The following CFAP47 variants were observed in gnomAD, a reference collection of about 807,000 sequenced individuals.
CFAP47 encodes cilia- and flagella-associated protein 47.
Under a neutral mutation model 148.1 loss-of-function variants are expected in CFAP47, and 29 were observed. The observed-to-expected ratio is 0.20, with a 90% confidence interval of 0.15 to 0.27. The LOEUF is 0.27. Among genes scored for constraint, CFAP47 ranks in the 10% least tolerant of loss-of-function variants. CFAP47 has a pLI of 1.00. For synonymous variants in CFAP47, 664 were observed against 577.3 expected, an observed-to-expected ratio of 1.15 and a Z score of -2.15; for missense variants, 1,872 against 1,697.5, an observed-to-expected ratio of 1.10 and a Z score of -1.81.
At chrX:36,114,470 T>A in intron 33 of CFAP47, among the ~76,000 whole-genome samples, 1 of 112,207 alleles carries the variant, frequency 8.9e-6, no homozygotes, top group Middle Eastern at 4.6e-3. Context: ...CAAATTTTTG[T>A]GGGATGATGT....
At chrX:36,093,173 G>GCATCCATCAACATTTGGACCTA (rs1285598342) in intron 30 of CFAP47, among the ~76,000 whole-genome samples, 1 of 111,397 alleles carries the variant, frequency 9.0e-6, no homozygotes, top group East Asian at 2.8e-4. Flanking sequence ...TGGACCTACG[G>GCATCCATCAACATTTGGACCTA]TGGCTTCCAA....
Position 36,375,059 on chromosome X carries a change from C to T in CFAP47, c.9186-4291C>T. 1.4e-5 allele frequency: 6 copies of T among 430,014 alleles called. No individual in the cohort carries two copies. The South Asian group carries it at 1.6e-4, about 11-fold the overall frequency. 35.4% of individuals were successfully genotyped at this position (430,014 alleles called of 1,213,427 possible). ...CAAATTTGCCAGTGTAACCACACTT[C>T]ATCATCACACTGAGAAGCTGGATGA... On this transcript the variant is annotated intron_variant, in intron 62 of 63. Transcript: ENST00000378653.
At chrX:35,980,862 G>T (rs1270808785) in intron 15 of CFAP47, among the ~76,000 whole-genome samples, 1 of 110,051 alleles carries the variant, frequency 9.1e-6, no homozygotes, top group Non-Finnish European at 1.9e-5. Flanking sequence ...GTTTCCCCAA[G>T]TATTTTTTAC....
At chrX:36,028,617 C>T (rs934580727) in intron 22 of CFAP47, among the ~76,000 whole-genome samples, 20 of 110,981 alleles carry the variant, frequency 1.8e-4, no homozygotes, top group African/African-American at 2.9e-4. Flanking sequence ...TTTAAGCTAT[C>T]GTAAATGAGA....
At chrX:36,243,988 G>A (rs1317694862) in intron 48 of CFAP47, among the ~76,000 whole-genome samples, 1 of 110,177 alleles carries the variant, frequency 9.1e-6, no homozygotes, top group Non-Finnish European at 1.9e-5. Flanking sequence ...AGTAATTAAA[G>A]CAAGACTCAA....
chrX:36,372,829 T>A (rs2147001523), intron 62 of CFAP47, among the ~76,000 whole-genome samples: 1 of 112,210 alleles, frequency 8.9e-6, no homozygotes, highest in South Asian at 3.7e-4. Context: ...ACTAACCTTT[T>A]AAAATTGTGT....
chrX:36,231,767 A>G (rs1398989018), intron 46 of CFAP47, among the ~76,000 whole-genome samples: 1 of 111,313 alleles, frequency 9.0e-6, no homozygotes, highest in Non-Finnish European at 1.9e-5. Context: ...GATAGCTCTT[A>G]TTATTTTGAG....
chrX:36,106,208 T>A (rs960381031), intron 33 of CFAP47, among the ~76,000 whole-genome samples: 3 of 112,281 alleles, frequency 2.7e-5, no homozygotes, highest in Non-Finnish European at 5.6e-5. Flanking sequence ...AACATAAATG[T>A]ATTTGTTTAT....
chrX:36,002,148 T>C (rs1324750014), intron 21 of CFAP47, among the ~76,000 whole-genome samples: 1 of 110,920 alleles, frequency 9.0e-6, no homozygotes, highest in Non-Finnish European at 1.9e-5. Flanking sequence ...TTTAGTGATT[T>C]AAAAACAAGA....
intron 57 of CFAP47, among the ~76,000 whole-genome samples, chrX:36,330,237 T>G (rs62592495): frequency 0.18 from 19,691 of 111,287 alleles, 1,360 homozygotes; most frequent in South Asian, 0.3. Context: ...GATTGCTGCA[T>G]TAATACTGAG....
chrX:36,054,813 C>G (rs1348703184), intron 26 of CFAP47, among the ~76,000 whole-genome samples: 1 of 110,665 alleles, frequency 9.0e-6, no homozygotes, highest in African/African-American at 3.3e-5. Flanking sequence ...CGCTCTGTCA[C>G]CCAGGCTGGA....
At chrX:36,027,128 T>TTA (rs201817841) in intron 22 of CFAP47, among the ~76,000 whole-genome samples, 1 of 87,962 alleles carries the variant, frequency 1.1e-5, no homozygotes, top group Admixed American at 1.4e-4. Context: ...ATATATATGA[T>TTA]TATATATATA....
chrX:36,046,750 CT>C, intron 25 of CFAP47, 103 bp from the exon 26 acceptor site: 1 of 490,089 alleles, frequency 2.0e-6, no homozygotes. Flanking sequence ...ACAAATATTT[CT>C]TATTTTAATT....
chrX:36,049,093 A>C (rs1937500185), intron 26 of CFAP47, among the ~76,000 whole-genome samples: 1 of 111,442 alleles, frequency 9.0e-6, no homozygotes, highest in Admixed American at 9.6e-5. Context: ...TACAGCTATT[A>C]ATTAATACAA....
rs782569350 is a variant in CFAP47 at position 36,251,081 on chromosome X, C to A, written c.7333-252C>A. On this transcript the variant is annotated intron_variant, in intron 48 of 63. Transcript: ENST00000378653. ...GATATAAGTAGCAACAGAATATAAG[C>A]ATCATTTGTTTTGTAAGAATAATTT... 7.2e-5 allele frequency among the ~76,000 whole-genome samples: 8 copies of A among 110,989 alleles called. No individual in the cohort carries two copies. In the East Asian group the frequency reaches 2.3e-3, roughly 31 times the overall value.
chrX:36,234,903 A>G (rs1940432883), intron 46 of CFAP47, among the ~76,000 whole-genome samples: 1 of 111,700 alleles, frequency 9.0e-6, no homozygotes, highest in African/African-American at 3.3e-5. Context: ...TTGCCTGGGT[A>G]CCAGCAGCGG....
intron 25 of CFAP47, among the ~76,000 whole-genome samples, chrX:36,040,152 A>G (rs1316414014): frequency 1.8e-5 from 2 of 111,984 alleles, no homozygotes; most frequent in Non-Finnish European, 3.8e-5. Flanking sequence ...ATATAACAGC[A>G]TAACCAAAAT....
At chrX:35,941,160 C>A in intron 2 of CFAP47, 123 bp from the exon 3 acceptor site, 1 of 395,324 alleles carries the variant, frequency 2.5e-6, no homozygotes, top group Non-Finnish European at 4.4e-6. Context: ...CACCAGTAGA[C>A]CTGTAAATAA....
At chrX:36,073,529 A>G (rs1371877707) in intron 29 of CFAP47, among the ~76,000 whole-genome samples, 165 bp downstream of exon 29, 1 of 111,687 alleles carries the variant, frequency 9.0e-6, no homozygotes, top group Admixed American at 9.5e-5. Context: ...AAGAAGAGTA[A>G]AATGATGCAA....
Sources: allele counts gnomAD v4.1 joint callset (sites outside exome capture counted in the v4.1 genomes callset), GRCh38; gene constraint gnomAD v4.1.1; transcripts MANE v1.5; gene names NCBI Gene and HGNC (gene_info 2026-07-23, HGNC 2026-07-21).